The following NTN1 variants were observed in gnomAD, a reference collection of about 807,000 sequenced individuals.
NTN1 encodes the protein netrin 1.
In NTN1, 11 loss-of-function variants were observed where a neutral mutation model predicts 54.2. The observed-to-expected ratio is 0.20, with a 90% CI of 0.13 to 0.34. The LOEUF (loss-of-function observed/expected upper bound fraction) is 0.34. NTN1 is among the 10% of genes least tolerant of loss of function. The pLI is 1.00. For missense variants in NTN1, 740 were observed against 893.1 expected (o/e 0.83, Z 2.18); for synonymous variants, 371 against 382.0 (o/e 0.97, Z 0.33).
intron 2 of NTN1, among the ~76,000 whole-genome samples, chr17:9,091,982 C>A (rs550655245): frequency 6.6e-6 from 1 of 151,586 alleles, no homozygotes; most frequent in Non-Finnish European, 1.5e-5. Flanking sequence ...TCGGTGACTC[C>A]CGGGTTCAAG....
At chr17:9,082,476 A>T (rs574140841) in intron 2 of NTN1, among the ~76,000 whole-genome samples, 4 of 152,234 alleles carry the variant, frequency 2.6e-5, no homozygotes, top group Admixed American at 6.5e-5. Flanking sequence ...GAGTCTTTGC[A>T]GTTGAGTTTT....
chr17:9,142,311 A>T (rs2092300611), intron 2 of NTN1, among the ~76,000 whole-genome samples: 1 of 151,952 alleles, frequency 6.6e-6, no homozygotes, highest in African/African-American at 2.4e-5. Flanking sequence ...AAAAAAAGAA[A>T]AAAACCAAAC....
chr17:9,161,843 A>G (rs4791810), intron 2 of NTN1, among the ~76,000 whole-genome samples: 62,471 of 152,040 alleles, frequency 0.41, 13,056 homozygotes, highest in East Asian at 0.51. Context: ...AGCCTGTGGG[A>G]CTCAGCTCAA....
chr17:9,108,789 G>A (rs1396383010), intron 2 of NTN1, among the ~76,000 whole-genome samples: 5 of 152,302 alleles, frequency 3.3e-5, no homozygotes, highest in Middle Eastern at 3.4e-3. Context: ...TGTCTTATCT[G>A]CCCACTCTCT....
intron 5 of NTN1, among the ~76,000 whole-genome samples, chr17:9,220,072 C>G (rs1473923838): frequency 6.6e-6 from 1 of 152,244 alleles, no homozygotes; most frequent in African/African-American, 2.4e-5. Context: ...TCATCCCTGG[C>G]TCTGAGCTCA....
intron 2 of NTN1, among the ~76,000 whole-genome samples, chr17:9,147,285 C>T (rs2092316415): frequency 6.6e-6 from 1 of 152,162 alleles, no homozygotes; most frequent in Non-Finnish European, 1.5e-5. Context: ...GTGGGCAGAT[C>T]ACGAGGTCAG....
intron 2 of NTN1, among the ~76,000 whole-genome samples, chr17:9,078,306 T>C (rs1291964321): frequency 6.6e-6 from 1 of 151,938 alleles, no homozygotes; most frequent in Non-Finnish European, 1.5e-5. Flanking sequence ...GTTCCCTGGG[T>C]GGGGGCAGTG....
chr17:9,210,133 G>A (rs144192193), intron 5 of NTN1, among the ~76,000 whole-genome samples: 9 of 152,090 alleles, frequency 5.9e-5, no homozygotes, highest in East Asian at 1.9e-4. Flanking sequence ...CTGTCCTTCC[G>A]TCCGTGCAAG....
chr17:9,098,783 A>G (rs999625428), intron 2 of NTN1, among the ~76,000 whole-genome samples: 1 of 152,200 alleles, frequency 6.6e-6, no homozygotes, highest in African/African-American at 2.4e-5. Context: ...TTTTTCTCTC[A>G]CTTCTCCATT....
chr17:9,165,029 G>C lies in NTN1; in HGVS notation c.1207+2028G>C, dbSNP rs2092369912. On this transcript the variant is annotated intron_variant, in intron 3 of 6. Transcript: ENST00000173229. The surrounding 1 kb of genome is among the most constrained non-coding windows in gnomAD (Gnocchi z 4.5). ...TCTCTCTTTTACAGAAGAAATGGAG[G>C]CCAGGGGTCTTGTAAACAGCTGGCT... Among the ~76,000 whole-genome samples the C allele has an allele frequency of 6.6e-6, 1 of 152,186 alleles. No individual in the cohort carries two copies. Among genetic ancestry groups the C allele is most frequent in the Non-Finnish European group, 1.5e-5 (1 of 68,034 alleles).
At chr17:9,024,883 TTAG>T (rs1344993023) in intron 2 of NTN1, among the ~76,000 whole-genome samples, 1 of 152,228 alleles carries the variant, frequency 6.6e-6, no homozygotes. Flanking sequence ...ACACTCCGAC[TTAG>T]TAGTCTTCTA....
At chr17:9,144,727 G>A (rs1417178273) in intron 2 of NTN1, among the ~76,000 whole-genome samples, 5 of 152,222 alleles carry the variant, frequency 3.3e-5, no homozygotes, top group Admixed American at 6.5e-5. Context: ...CTCGCTCCCC[G>A]GCCTCCCAGC....
chr17:9,064,251 G>T (rs1274069480), intron 2 of NTN1, among the ~76,000 whole-genome samples: 1 of 152,154 alleles, frequency 6.6e-6, no homozygotes, highest in Non-Finnish European at 1.5e-5. Flanking sequence ...TTCCTGGCCA[G>T]CCTTCTCCTC....
chr17:9,203,645 C>CA (rs369804000), intron 5 of NTN1, among the ~76,000 whole-genome samples: 31 of 151,440 alleles, frequency 2.0e-4, no homozygotes, highest in African/African-American at 3.1e-4. Flanking sequence ...CTAAAAAATA[C>CA]AAAAAAAATT....
At chr17:9,158,419 C>T (rs2092349240) in intron 2 of NTN1, among the ~76,000 whole-genome samples, 1 of 152,176 alleles carries the variant, frequency 6.6e-6, no homozygotes, top group African/African-American at 2.4e-5. Context: ...TCAGGCCTTT[C>T]CTGGTACAAG....
At chr17:9,113,028 A>AT (rs370674364) in intron 2 of NTN1, among the ~76,000 whole-genome samples, 12,410 of 143,310 alleles carry the variant, frequency 0.087, 794 homozygotes, top group Middle Eastern at 0.15. Context: ...AATTTTTTTT[A>AT]TTTTTATTTT....
At chr17:9,147,304 G>A (rs1472157315) in intron 2 of NTN1, among the ~76,000 whole-genome samples, 1 of 152,162 alleles carries the variant, frequency 6.6e-6, no homozygotes, top group Non-Finnish European at 1.5e-5. Flanking sequence ...AGGAGATCGA[G>A]ACCATCCTGG....
chr17:9,116,231 AT>A (rs2092211718), intron 2 of NTN1, among the ~76,000 whole-genome samples: 1 of 152,158 alleles, frequency 6.6e-6, no homozygotes, highest in Non-Finnish European at 1.5e-5. Context: ...GCCTCTTGGC[AT>A]GGGCAGGCGG....
At chr17:9,012,314 C>A in the NTN1 span, among the ~76,000 whole-genome samples, 1 of 152,052 alleles carries the variant, frequency 6.6e-6, no homozygotes, top group Non-Finnish European at 1.5e-5. Flanking sequence ...GAGTTCGAGA[C>A]CAGCCTGGCC....
Sources: allele counts gnomAD v4.1 joint callset (sites outside exome capture counted in the v4.1 genomes callset), GRCh38; gene constraint gnomAD v4.1.1; non-coding constraint Gnocchi (gnomAD v3.1); transcripts MANE v1.5; gene names NCBI Gene and HGNC (gene_info 2026-07-23, HGNC 2026-07-21).